The following FH variants were observed in gnomAD, a reference collection of about 807,000 sequenced individuals.
FH encodes the protein fumarate hydratase, mitochondrial.
In FH, 22 loss-of-function variants were observed where a neutral mutation model predicts 49.4. That is an observed-to-expected ratio of 0.45 (90% CI 0.32 to 0.64). The LOEUF is 0.64. Ranked by LOEUF, FH falls within the 30% of genes least tolerant of loss-of-function variation. The pLI is 0.05. For missense variants in FH, 526 were observed against 641.5 expected (o/e 0.82, Z 1.95); for synonymous variants, 208 against 223.0 (o/e 0.93, Z 0.60).
intron 2 of FH, among the ~76,000 whole-genome samples, chr1:241,515,026 G>A (rs999045560): frequency 4.6e-5 from 7 of 152,212 alleles, no homozygotes; most frequent in Admixed American, 1.3e-4. Context: ...GAGGTTCAAC[G>A]AACACCATAA....
chr1:241,506,201 G>A, intron 5 of FH, 33 bp from the exon 6 acceptor site: 1 of 1,522,704 alleles, frequency 6.6e-7, no homozygotes, highest in Non-Finnish European at 9.1e-7. Context: ...GTAAGAATAA[G>A]TAATTCCTAA....
At chr1:241,512,341 A>G (rs1660109719) in intron 3 of FH, among the ~76,000 whole-genome samples, 198 bp from the exon 4 acceptor site, 1 of 152,186 alleles carries the variant, frequency 6.6e-6, no homozygotes, top group African/African-American at 2.4e-5. Flanking sequence ...AAAGGGAATC[A>G]AAGGTATCTT....
chr1:241,517,385 T>C, intron 1 of FH, 69 bp from the exon 2 acceptor site: 1 of 1,559,342 alleles, frequency 6.4e-7, no homozygotes, highest in Non-Finnish European at 8.8e-7. Flanking sequence ...TCGCATCTTA[T>C]CAGCTGTTAA....
chr1:241,519,430 G>T, intron 1 of FH, 161 bp downstream of exon 1: 1 of 848,828 alleles, frequency 1.2e-6, no homozygotes, highest in Non-Finnish European at 1.7e-6. Flanking sequence ...GGCGTCCCGA[G>T]GCCGGGAGGC....
At chr1:241,519,276 G>A (rs1660302785) in intron 1 of FH, 1 of 312,420 alleles carries the variant, frequency 3.2e-6, no homozygotes, top group Admixed American at 5.5e-5. Context: ...CAGCAGCGAA[G>A]TTACCTCAAA....
intron 2 of FH, 82 bp from the exon 3 acceptor site, chr1:241,513,795 A>T (rs1573886580): frequency 9.4e-7 from 1 of 1,068,594 alleles, no homozygotes; most frequent in African/African-American, 1.6e-5. Context: ...TGCAAAAGCT[A>T]TACATAAAAC....
chr1:241,500,629 G>GAGAA, intron 8 of FH, 39 bp from the exon 9 acceptor site: 1 of 1,608,338 alleles, frequency 6.2e-7, no homozygotes, highest in Non-Finnish European at 8.5e-7. Context: ...GAGAGAGAGA[G>GAGAA]AGAGAGAGAG....
At chr1:241,515,995 AC>A (rs1660201403) in intron 2 of FH, among the ~76,000 whole-genome samples, 1 of 152,200 alleles carries the variant, frequency 6.6e-6, no homozygotes, top group African/African-American at 2.4e-5. Flanking sequence ...TATATGTCAG[AC>A]ATGGTTAAGA....
chr1:241,508,976 C>T (rs1389120776), intron 4 of FH, among the ~76,000 whole-genome samples, 191 bp from the exon 5 acceptor site: 1 of 151,682 alleles, frequency 6.6e-6, no homozygotes, highest in Non-Finnish European at 1.5e-5. Context: ...GTTTCTAACA[C>T]ATACTCAGAA....
chr1:241,504,238 A>G lies in FH; in HGVS notation c.912T>C (p.Pro304=), dbSNP rs1573880603. 1 of 1,614,134 alleles carries G rather than the reference A, an allele frequency of 6.2e-7. No individual in the cohort carries two copies. The change falls in exon 7 of 10, where the codon CCT becomes CCC. Residue 304 remains proline, a synonymous_variant. Coordinates refer to ENST00000366560, the MANE Select transcript of FH (RefSeq NM_000143.4). ...CAAATTTATTCGGAGCAGTGACAAAAGGCAAGCCTAAAGAAAAGAAAAATA... is the reference window on the plus strand; with the variant it reads ...CAAATTTATTCGGAGCAGTGACAAAGGGCAAGCCTAAAGAAAAGAAAAATA... ...AAKVAALTGL[P]FVTAPNKFEA... is the part of the protein sequence containing the mutation.
chr1:241,504,612 T>C (rs1388744551), intron 6 of FH, among the ~76,000 whole-genome samples: 2 of 152,096 alleles, frequency 1.3e-5, no homozygotes, highest in African/African-American at 4.8e-5. Flanking sequence ...CAGCTAATTC[T>C]TTAATTTTTA....
chr1:241,498,483 G>C (rs1021451541), intron 9 of FH, among the ~76,000 whole-genome samples: 2 of 151,452 alleles, frequency 1.3e-5, no homozygotes, highest in African/African-American at 4.9e-5. Context: ...GGTGCCTCCA[G>C]AGCTGCTTCC....
In FH at chr1:241,512,190, T is replaced by C. The variant is rs188049355; in HGVS notation, c.379-47A>G. 6.6e-6 allele frequency: 10 copies of C among 1,523,936 alleles called. No individual in the cohort carries two copies. The East Asian group carries it at 1.8e-4, about 28-fold the overall frequency. The allele number at this position is 1,523,936 out of a possible 1,614,324, so 94.4% of individuals were successfully genotyped here. A position where few individuals can be genotyped will look rare whatever the true frequency, so the allele number is the denominator to read the frequency against. ...TGTATTTTAAAAAAGGAAATAATAA[T>C]GCTGATTATGCCACAGAGTTTGAAT... On this transcript the variant is annotated intron_variant, in intron 3 of 9. Coordinates refer to ENST00000366560, the MANE Select transcript of FH (RefSeq NM_000143.4).
intron 9 of FH, among the ~76,000 whole-genome samples, chr1:241,498,723 A>ATATATATATATATATATATATATATG (rs1558395764): frequency 1.0e-5 from 1 of 99,368 alleles, no homozygotes; most frequent in African/African-American, 3.8e-5. Context: ...ATATATATAT[A>ATATATATATATATATATATATATATG]TATATATATA....
intron 5 of FH, among the ~76,000 whole-genome samples, chr1:241,507,327 GTGTGAGTATACTC>G (rs1393487083): frequency 6.6e-6 from 1 of 152,094 alleles, no homozygotes; most frequent in Non-Finnish European, 1.5e-5. Flanking sequence ...ATCTAGGTTT[GTGTGAGTATACTC>G]TGTGATGTTC....
chr1:241,502,028 G>A (rs574035509), intron 8 of FH, among the ~76,000 whole-genome samples: 15 of 152,154 alleles, frequency 9.9e-5, no homozygotes, highest in South Asian at 2.1e-4. Flanking sequence ...AACTAACTGC[G>A]CAATGCCAGC....
chr1:241,504,753 C>G (rs1420902966), intron 6 of FH, among the ~76,000 whole-genome samples: 1 of 151,926 alleles, frequency 6.6e-6, no homozygotes, highest in Admixed American at 6.6e-5. Flanking sequence ...CCAGGCACTA[C>G]ATTTTAAAAA....
rs188577266 is a variant in FH, at chr1:241,500,922, G to A, written c.1237-332C>T. ...AGAGAAAGAGAAATTAACTCCAGTT[G>A]TCGGAACTGGTGAAATCCTATTTTA... On this transcript the variant is annotated intron_variant, in intron 8 of 9. Coordinates refer to ENST00000366560, the MANE Select transcript of FH (RefSeq NM_000143.4). Among the ~76,000 whole-genome samples, 354 of 152,322 alleles carry A rather than the reference G, an allele frequency of 2.3e-3. 3 individuals are homozygous for A. The highest frequency in any genetic ancestry group is 8.0e-3 in the African/African-American group (333 of 41,568).
intron 4 of FH, 64 bp downstream of exon 4, chr1:241,511,903 C>A: frequency 1.3e-6 from 2 of 1,502,098 alleles, no homozygotes; most frequent in Non-Finnish European, 1.9e-6. Flanking sequence ...GCTTGTTTTA[C>A]AAGAACAATC....
Sources: gnomAD v4.1 joint callset for allele counts (sites outside exome capture counted in the v4.1 genomes callset) on GRCh38, gnomAD v4.1.1 for gene constraint, MANE v1.5 for transcripts, NCBI Gene and HGNC (gene_info 2026-07-23, HGNC 2026-07-21) for gene names.